The following CNTN5 variants were observed in gnomAD, a reference collection of about 807,000 sequenced individuals.
CNTN5 encodes contactin-5.
Under a neutral mutation model 129.1 loss-of-function variants are expected in CNTN5, and 77 were observed. That is an observed-to-expected ratio of 0.60 (90% CI 0.50 to 0.72). The LOEUF (loss-of-function observed/expected upper bound fraction) is 0.72. CNTN5 is among the 30% of genes least tolerant of loss of function. The pLI, the probability that CNTN5 is intolerant of heterozygous loss-of-function variation, is 0.00. For missense variants in CNTN5, 1,478 were observed against 1,328.8 expected (o/e 1.11, Z -1.75); for synonymous variants, 509 against 465.6 (o/e 1.09, Z -1.20).
At chr11:99,735,756 A>G (rs909922751) in intron 3 of CNTN5, among the ~76,000 whole-genome samples, 2 of 152,174 alleles carry the variant, frequency 1.3e-5, no homozygotes, top group African/African-American at 2.4e-5. Flanking sequence ...AAACTAACAT[A>G]TTCATCACCT....
chr11:99,199,961 C>G (rs1043979825), intron 1 of CNTN5, among the ~76,000 whole-genome samples: 2 of 143,470 alleles, frequency 1.4e-5, no homozygotes, highest in Non-Finnish European at 3.1e-5. Flanking sequence ...CAATATATAT[C>G]CATCAACATC....
chr11:99,508,096 CAG>C (rs1267875419), intron 2 of CNTN5, among the ~76,000 whole-genome samples: 5 of 152,112 alleles, frequency 3.3e-5, no homozygotes, highest in Admixed American at 3.3e-4. Flanking sequence ...AGTGTTAGGA[CAG>C]AGTTATGTTT....
chr11:99,022,738 T>C (rs750622283), intron 1 of CNTN5, among the ~76,000 whole-genome samples: 2 of 152,098 alleles, frequency 1.3e-5, no homozygotes, highest in African/African-American at 4.8e-5. Flanking sequence ...ATATAAAGAA[T>C]AGAATTTGAC....
chr11:99,957,678 T>G (rs913673322), intron 8 of CNTN5, among the ~76,000 whole-genome samples: 3 of 151,940 alleles, frequency 2.0e-5, no homozygotes, highest in Non-Finnish European at 2.9e-5. Flanking sequence ...GCAAAAAATC[T>G]ATGAAGGCGT....
At chr11:99,987,170 A>G (rs951790133) in intron 8 of CNTN5, among the ~76,000 whole-genome samples, 2 of 152,122 alleles carry the variant, frequency 1.3e-5, no homozygotes, top group African/African-American at 4.8e-5. Context: ...GATAACAAGT[A>G]GATTCACTAA....
intron 2 of CNTN5, among the ~76,000 whole-genome samples, chr11:99,349,093 C>A (rs1938109212): frequency 6.6e-6 from 1 of 152,062 alleles, no homozygotes; most frequent in African/African-American, 2.4e-5. Context: ...GAAACGTGAA[C>A]AAGAATGCAG....
chr11:100,228,265 A>G (rs1281002226), intron 16 of CNTN5, among the ~76,000 whole-genome samples: 1 of 152,208 alleles, frequency 6.6e-6, no homozygotes, highest in Non-Finnish European at 1.5e-5. Context: ...CCTTTCCTCA[A>G]ACTTGAACAA....
chr11:99,600,057 G>C (rs1027648345), intron 3 of CNTN5, among the ~76,000 whole-genome samples: 8 of 152,040 alleles, frequency 5.3e-5, no homozygotes, highest in African/African-American at 1.9e-4. Flanking sequence ...ACAAACAAGG[G>C]AGGAGGAATA....
intron 11 of CNTN5, 77 bp downstream of exon 11, chr11:100,070,637 T>G (rs1265736154): frequency 1.1e-5 from 16 of 1,407,504 alleles, no homozygotes; most frequent in Non-Finnish European, 1.6e-5. Flanking sequence ...GCTTCTTTAG[T>G]CTTATTGAAA....
intron 8 of CNTN5, among the ~76,000 whole-genome samples, chr11:99,989,855 T>A (rs1938944240): frequency 6.6e-6 from 1 of 152,158 alleles, no homozygotes; most frequent in Non-Finnish European, 1.5e-5. Context: ...AACCTCCGCC[T>A]CCTGGGTTCA....
At chr11:99,533,412 A>G (rs1196799519) in intron 2 of CNTN5, among the ~76,000 whole-genome samples, 3 of 152,210 alleles carry the variant, frequency 2.0e-5, no homozygotes, top group African/African-American at 7.2e-5. Context: ...AGTTTAATCC[A>G]TTTGTATTTT....
intron 3 of CNTN5, chr11:99,558,428 T>C (rs1189951182): frequency 5.9e-6 from 1 of 168,880 alleles, no homozygotes; most frequent in African/African-American, 2.4e-5. Context: ...TGCAATATTT[T>C]ATTTCATTTT....
intron 3 of CNTN5, among the ~76,000 whole-genome samples, chr11:99,618,464 CT>C (rs1408011782): frequency 3.9e-5 from 6 of 152,142 alleles, no homozygotes; most frequent in Admixed American, 2.6e-4. Context: ...TAAGCTTCAT[CT>C]TCTGTGTAAT....
intron 1 of CNTN5, among the ~76,000 whole-genome samples, chr11:99,028,087 C>A (rs572893825): frequency 3.3e-5 from 5 of 151,780 alleles, no homozygotes; most frequent in African/African-American, 1.2e-4. Flanking sequence ...ACATTCAATT[C>A]TTTAACATTT....
chr11:99,720,903 G>A (rs1943150466), intron 3 of CNTN5, among the ~76,000 whole-genome samples: 1 of 152,052 alleles, frequency 6.6e-6, no homozygotes, highest in Non-Finnish European at 1.5e-5. Context: ...ATTCACAATT[G>A]CCACAAAAAG....
intron 16 of CNTN5, among the ~76,000 whole-genome samples, chr11:100,241,882 T>A (rs1004285279): frequency 2.6e-5 from 4 of 152,200 alleles, no homozygotes; most frequent in Non-Finnish European, 4.4e-5. Flanking sequence ...AATTTACATT[T>A]GTTACAAAAC....
At chr11:99,354,946 T>C (rs939018313) in intron 2 of CNTN5, among the ~76,000 whole-genome samples, 6 of 152,122 alleles carry the variant, frequency 3.9e-5, no homozygotes, top group African/African-American at 1.4e-4. Flanking sequence ...CTCTCCTAAA[T>C]ACTATGGACA....
intron 13 of CNTN5, among the ~76,000 whole-genome samples, chr11:100,106,029 G>A (rs1268749987): frequency 6.6e-6 from 1 of 152,086 alleles, no homozygotes; most frequent in Non-Finnish European, 1.5e-5. Context: ...AGATCATAAG[G>A]CTTACCATGA....
intron 13 of CNTN5, among the ~76,000 whole-genome samples, chr11:100,111,959 G>A (rs775504626): frequency 5.3e-5 from 8 of 152,062 alleles, no homozygotes; most frequent in Non-Finnish European, 7.4e-5. Context: ...TTTACACTAC[G>A]TTGTATAGGA....
Sources: allele counts gnomAD v4.1 joint callset (sites outside exome capture counted in the v4.1 genomes callset), GRCh38; gene constraint gnomAD v4.1.1; transcripts MANE v1.5; gene names NCBI Gene and HGNC (gene_info 2026-07-23, HGNC 2026-07-21).